FBXO16: variants seen among roughly 807,000 people sequenced by gnomAD.
FBXO16 encodes the protein F-box only protein 16.
In FBXO16, 31 loss-of-function variants were observed where a neutral mutation model predicts 41.0. That is an observed-to-expected ratio of 0.76 (90% CI 0.57 to 1.02). FBXO16 has a LOEUF of 1.02. Among genes scored for constraint, FBXO16 ranks in the 50% least tolerant of loss-of-function variants. FBXO16 has a pLI of 0.00. For synonymous variants in FBXO16, 133 were observed against 117.8 expected (o/e 1.13, Z -0.84); for missense variants, 361 against 346.2 (o/e 1.04, Z -0.34).
In FBXO16 at chr8:28,460,231, A is replaced by G. The variant is rs1178248941; in HGVS notation, c.343-3301T>C. On this transcript the variant is annotated intron_variant, in intron 4 of 8. Transcript: ENST00000380254. The stretch of plus-strand genomic sequence containing the variant: ...AACAAATATATATGTGTGTGTATAT[A>G]TATATATATATATATTTTTTTTTTT... 5.6e-5 allele frequency among the ~76,000 whole-genome samples: 5 copies of G among 88,732 alleles called. 1 individual carries two copies. Among genetic ancestry groups the G allele is most frequent in the African/African-American group, 3.2e-4 (5 of 15,648 alleles). 58.2% of individuals were successfully genotyped at this position (88,732 alleles called of 152,430 possible). A position where few individuals can be genotyped will look rare whatever the true frequency, so the allele number is the denominator to read the frequency against.
In FBXO16 at chr8:28,456,754, T is replaced by C. The variant is rs1047147920; in HGVS notation, c.507+12A>G. 2 of 1,612,312 alleles carry C rather than the reference T, an allele frequency of 1.2e-6. No homozygotes were observed. Among genetic ancestry groups the C allele is most frequent in the African/African-American group, 2.7e-5 (2 of 75,000 alleles). ...ATGTTTGCAAGCTTGTGGCTTTCTG[T>C]CTAAAATTCACCTTAGGCTTGGTAA... On this transcript the variant is annotated intron_variant, in intron 5 of 8. Coordinates refer to ENST00000380254, the MANE Select transcript of FBXO16 (RefSeq NM_172366.4).
In FBXO16 at chr8:28,428,623, A is replaced by T. The variant is rs934469985; in HGVS notation, c.*104T>A. On this transcript the variant is annotated 3_prime_UTR_variant, in exon 9 of 9. Coordinates refer to ENST00000380254, the MANE Select transcript of FBXO16 (RefSeq NM_172366.4). ...CTTGGGGCCCAGGGTGCCTGTGAGG[A>T]TGCTGCATGAGAATTTCAGCTGTGG... The T allele has an allele frequency of 6.4e-7, 1 of 1,552,730 alleles. No homozygotes were observed. The highest frequency in any genetic ancestry group is 8.7e-7 in the Non-Finnish European group (1 of 1,147,648).
chr8:28,478,765 T>C (rs1415793018), intron 2 of FBXO16, among the ~76,000 whole-genome samples: 1 of 144,454 alleles, frequency 6.9e-6, no homozygotes, highest in Non-Finnish European at 1.5e-5. Context: ...GAGGTTGCAG[T>C]GAGCCGAGAT....
At chr8:28,448,218 G>A (rs1177526450) in intron 6 of FBXO16, among the ~76,000 whole-genome samples, 1 of 151,714 alleles carries the variant, frequency 6.6e-6, no homozygotes, top group Non-Finnish European at 1.5e-5. Flanking sequence ...GTGCATGCCT[G>A]TAGTTCCAGC....
chr8:28,445,241 T>G (rs1802845740), intron 7 of FBXO16, among the ~76,000 whole-genome samples: 1 of 152,226 alleles, frequency 6.6e-6, no homozygotes, highest in Non-Finnish European at 1.5e-5. Flanking sequence ...CTTCTCTCAC[T>G]GCTTAATGTA....
At chr8:28,463,225 C>CGT (rs781260166) in intron 4 of FBXO16, among the ~76,000 whole-genome samples, 1 of 135,310 alleles carries the variant, frequency 7.4e-6, no homozygotes, top group Non-Finnish European at 1.6e-5. Flanking sequence ...TATGTGTGTC[C>CGT]GTGTGTGTGT....
intron 3 of FBXO16, 43 bp downstream of exon 3, chr8:28,473,729 G>A: frequency 6.5e-7 from 1 of 1,530,470 alleles, no homozygotes; most frequent in South Asian, 1.2e-5. Context: ...GATGAAAACA[G>A]ATAACATAAC....
At position 28,470,303 on chromosome 8, in the gene FBXO16, T is replaced by C. The variant is rs573310572; in HGVS notation, c.135+3469A>G. Among the ~76,000 whole-genome samples the C allele has an allele frequency of 2.8e-3, 420 of 152,280 alleles. 3 individuals are homozygous for C. The highest frequency in any genetic ancestry group is 9.9e-3 in the African/African-American group (410 of 41,554). ...AGCTTTTTGTCTTCTCATTCAGTCA[T>C]AGCAGGATGAATATGGCATTTTCTA... On this transcript the variant is annotated intron_variant, in intron 3 of 8. Transcript: ENST00000380254.
In FBXO16 at chr8:28,483,471, A is replaced by C; in HGVS notation, c.-16-9T>G. ...TGAAACAACTGGATATCCTTCCATA[A>C]GAAAAACAACACCTATCAGAAGAAG... On this transcript the variant is annotated splice_polypyrimidine_tract_variant and intron_variant, in intron 1 of 8. Transcript: ENST00000380254. 6.3e-7 allele frequency: 1 copy of C among 1,585,896 alleles called. No individual in the cohort carries two copies. Among genetic ancestry groups the C allele is most frequent in the Non-Finnish European group, 8.6e-7 (1 of 1,156,394 alleles).
chr8:28,468,364 C>A (rs1803278723), intron 3 of FBXO16, among the ~76,000 whole-genome samples: 1 of 152,064 alleles, frequency 6.6e-6, no homozygotes, highest in Non-Finnish European at 1.5e-5. Flanking sequence ...GTTGCTAGGG[C>A]GATCAGGTTC....
chr8:28,442,483 A>C (rs775994194), intron 7 of FBXO16, among the ~76,000 whole-genome samples: 32 of 152,140 alleles, frequency 2.1e-4, no homozygotes, highest in Non-Finnish European at 4.0e-4. Context: ...TCCTGGGTTC[A>C]AGTGATTCTC....
chr8:28,459,818 A>C (rs867686473), intron 4 of FBXO16, among the ~76,000 whole-genome samples: 7 of 151,662 alleles, frequency 4.6e-5, no homozygotes, highest in African/African-American at 1.7e-4. Flanking sequence ...CTTGAGGTCA[A>C]GAGTTTGAGA....
chr8:28,472,474 C>T (rs997061939), intron 3 of FBXO16, among the ~76,000 whole-genome samples: 4 of 152,094 alleles, frequency 2.6e-5, no homozygotes, highest in South Asian at 2.1e-4. Flanking sequence ...GTGGTTCGCA[C>T]CTGTAATCCC....
At chr8:28,484,818 C>T (rs553314198) in intron 1 of FBXO16, among the ~76,000 whole-genome samples, 80 of 152,226 alleles carry the variant, frequency 5.3e-4, no homozygotes, top group African/African-American at 1.6e-3. Context: ...TGGTCTCGAT[C>T]TCCTGACCTC....
At chr8:28,481,412 GAGTACTGGAA>G (rs1450199376) in intron 2 of FBXO16, among the ~76,000 whole-genome samples, 2 of 152,158 alleles carry the variant, frequency 1.3e-5, no homozygotes, top group African/African-American at 4.8e-5. Context: ...GGAGGACTCA[GAGTACTGGAA>G]AGCAAATTAC....
chr8:28,433,981 G>A (rs1380701137), intron 7 of FBXO16, among the ~76,000 whole-genome samples: 1 of 116,006 alleles, frequency 8.6e-6, no homozygotes, highest in Non-Finnish European at 1.6e-5. Flanking sequence ...TTTTTTTTGA[G>A]ATAGAGTCTC....
At chr8:28,488,713 C>T (rs1475984954) in intron 1 of FBXO16, among the ~76,000 whole-genome samples, 1 of 152,124 alleles carries the variant, frequency 6.6e-6, no homozygotes, top group Non-Finnish European at 1.5e-5. Flanking sequence ...CTCACAGTCT[C>T]CTGTTAGGTA....
chr8:28,447,362 G>T, intron 6 of FBXO16, 89 bp from the exon 7 acceptor site: 2 of 1,129,618 alleles, frequency 1.8e-6, no homozygotes, highest in Non-Finnish European at 2.6e-6. Flanking sequence ...TGAGTTTGTT[G>T]TTCCTGTGAT....
At chr8:28,478,766 G>A (rs1803462238) in intron 2 of FBXO16, among the ~76,000 whole-genome samples, 1 of 149,098 alleles carries the variant, frequency 6.7e-6, no homozygotes, top group African/African-American at 2.5e-5. Flanking sequence ...AGGTTGCAGT[G>A]AGCCGAGATC....
Sources: allele counts gnomAD v4.1 joint callset (sites outside exome capture counted in the v4.1 genomes callset), GRCh38; gene constraint gnomAD v4.1.1; transcripts MANE v1.5; gene names NCBI Gene and HGNC (gene_info 2026-07-23, HGNC 2026-07-21).